Variants in GABRA1 observed in about 807,000 individuals in gnomAD.
The protein encoded by GABRA1 is gamma-aminobutyric acid type A receptor subunit alpha1, also known as gamma-aminobutyric acid receptor subunit alpha-1.
A neutral mutation model predicts 48.9 loss-of-function variants in GABRA1; 9 were observed. The ratio of observed to expected loss-of-function variants is 0.18; its 90% CI spans 0.11 to 0.32. GABRA1 has a LOEUF of 0.32. Ranked by LOEUF, GABRA1 falls within the 10% of genes least tolerant of loss-of-function variation. The pLI, the probability that GABRA1 is intolerant of heterozygous loss-of-function variation, is 1.00. For missense variants in GABRA1, 285 were observed against 553.8 expected (o/e 0.51, Z 4.87); for synonymous variants, 210 against 198.7 (o/e 1.06, Z -0.48).
At chr5:161,867,028 T>A (rs937672473) in intron 4 of GABRA1, among the ~76,000 whole-genome samples, 1 of 152,136 alleles carries the variant, frequency 6.6e-6, no homozygotes, top group African/African-American at 2.4e-5. Context: ...AAGGTGGGAT[T>A]AATAATGCCA....
Position 161,897,483 on chromosome 5 carries a change from C to A in GABRA1, c.*61C>A. On this transcript the variant is annotated 3_prime_UTR_variant, in exon 10 of 10. Transcript: ENST00000393943. ...ACTGGGAATTTATTTATGTTCTCAA[C>A]GCAGTAATTCCCATCTGCTTTATTG... The A allele has an allele frequency of 1.4e-6, 2 of 1,401,606 alleles. No homozygotes were observed. The highest frequency in any genetic ancestry group is 2.0e-6 in the Non-Finnish European group (2 of 990,962). The allele number at this position is 1,401,606 out of a possible 1,614,324, so 86.8% of individuals were successfully genotyped here. A position where few individuals can be genotyped will look rare whatever the true frequency, so the allele number is the denominator to read the frequency against.
chr5:161,878,558 T>A (rs187947219), intron 6 of GABRA1, among the ~76,000 whole-genome samples: 18 of 152,290 alleles, frequency 1.2e-4, no homozygotes, highest in Non-Finnish European at 2.5e-4. Flanking sequence ...AGCAACCTTA[T>A]CCATATGGTG....
intron 1 of GABRA1, chr5:161,849,011 T>C (rs1316062067): frequency 4.4e-6 from 2 of 455,180 alleles, no homozygotes; most frequent in Admixed American, 4.7e-5. Context: ...CTCAACTTAG[T>C]CTTTGATATG....
chr5:161,886,473 T>C (rs973765703), intron 7 of GABRA1, among the ~76,000 whole-genome samples: 1 of 151,988 alleles, frequency 6.6e-6, no homozygotes, highest in African/African-American at 2.4e-5. Flanking sequence ...GATATTACTA[T>C]TAATAATAAG....
chr5:161,854,024 C>A, intron 2 of GABRA1, 134 bp from the exon 3 acceptor site: 8 of 522,244 alleles, frequency 1.5e-5, no homozygotes, highest in South Asian at 6.4e-5. Context: ...TCCTTTTTAC[C>A]TTGTGAAAAA....
intron 1 of GABRA1, 46 bp from the exon 2 acceptor site, chr5:161,850,750 A>T (rs1008805895): frequency 6.6e-7 from 1 of 1,509,252 alleles, no homozygotes; most frequent in Admixed American, 1.7e-5. Flanking sequence ...TTATAACCTG[A>T]TGTTTCTTGC....
chr5:161,870,631 CAGAA>C (rs151163857), intron 4 of GABRA1, among the ~76,000 whole-genome samples: 37 of 147,786 alleles, frequency 2.5e-4, no homozygotes, highest in African/African-American at 5.7e-4. Flanking sequence ...GACAGACAGA[CAGAA>C]AGAAAGAAAG....
chr5:161,851,989 T>C (rs1486141905), intron 2 of GABRA1, among the ~76,000 whole-genome samples: 1 of 152,122 alleles, frequency 6.6e-6, no homozygotes, highest in Non-Finnish European at 1.5e-5. Context: ...AAATATATAT[T>C]CAGTTTAGGA....
At chr5:161,873,671 C>G (rs1754222672) in intron 5 of GABRA1, among the ~76,000 whole-genome samples, 1 of 151,978 alleles carries the variant, frequency 6.6e-6, no homozygotes, top group Non-Finnish European at 1.5e-5. Context: ...ATCTAATGAT[C>G]TACATCTGAA....
Position 161,865,705 on chromosome 5 carries a change from T to C in GABRA1, c.188-16T>C. The C allele has an allele frequency of 6.2e-7, 1 of 1,611,870 alleles. No homozygotes were observed. Among genetic ancestry groups the C allele is most frequent in the Non-Finnish European group, 8.5e-7 (1 of 1,178,172 alleles). On this transcript the variant is annotated splice_polypyrimidine_tract_variant and intron_variant, in intron 3 of 9. Transcript: ENST00000393943. ...GGTTGACAGACACTCACTCGCCCAA[T>C]TTCCTGCTTCAACAGAGCGTGTAAC...
At chr5:161,861,104 A>G (rs1757840950) in intron 3 of GABRA1, among the ~76,000 whole-genome samples, 1 of 151,782 alleles carries the variant, frequency 6.6e-6, no homozygotes, top group Non-Finnish European at 1.5e-5. Flanking sequence ...AAGTATTGGC[A>G]TATTTCTGTA....
intron 3 of GABRA1, among the ~76,000 whole-genome samples, chr5:161,857,426 C>A (rs895404984): frequency 1.3e-5 from 2 of 151,416 alleles, no homozygotes; most frequent in Admixed American, 6.6e-5. Context: ...TTATATGTAC[C>A]TTGGATTCAA....
intron 3 of GABRA1, among the ~76,000 whole-genome samples, chr5:161,861,964 A>G (rs575124504): frequency 1.4e-3 from 214 of 152,036 alleles, no homozygotes; most frequent in Middle Eastern, 6.8e-3. Context: ...GAACCCATGG[A>G]ACTGTTACTC....
At chr5:161,849,703 G>C (rs891230109) in intron 1 of GABRA1, among the ~76,000 whole-genome samples, 10 of 152,118 alleles carry the variant, frequency 6.6e-5, no homozygotes, top group Non-Finnish European at 1.5e-4. Flanking sequence ...ACCCTACAAA[G>C]AAATATAGAT....
intron 2 of GABRA1, among the ~76,000 whole-genome samples, chr5:161,852,862 A>T (rs1217639871): frequency 6.6e-6 from 1 of 151,878 alleles, no homozygotes; most frequent in Non-Finnish European, 1.5e-5. Flanking sequence ...ATTACCTGCA[A>T]AACAGTGTTT....
intron 8 of GABRA1, among the ~76,000 whole-genome samples, chr5:161,894,716 G>T (rs200668786): frequency 9.6e-6 from 1 of 104,650 alleles, no homozygotes; most frequent in African/African-American, 5.3e-5. Flanking sequence ...CTTTTGTACT[G>T]AGTATAGTGC....
chr5:161,871,165 C>T (rs1255591553), intron 4 of GABRA1, among the ~76,000 whole-genome samples: 1 of 152,018 alleles, frequency 6.6e-6, no homozygotes, highest in Non-Finnish European at 1.5e-5. Context: ...TACATCTTGT[C>T]AAAGATTTGG....
At position 161,850,787 on chromosome 5, in the gene GABRA1, A is replaced by G. The variant is rs770530140; in HGVS notation, c.-15-9A>G. 20 of 1,611,546 alleles carry G rather than the reference A, an allele frequency of 1.2e-5. No homozygotes were observed. The highest frequency in any genetic ancestry group is 1.7e-5 in the Non-Finnish European group (20 of 1,177,714). On this transcript the variant is annotated splice_polypyrimidine_tract_variant and intron_variant, in intron 1 of 9. Transcript: ENST00000393943. The stretch of plus-strand genomic sequence containing the variant: ...AGAGACATTGATCTCTACTTATTCT[A>G]CTTTTCAGCTGCTCCAGCCCGCGAT...
chr5:161,865,883 A>G, intron 4 of GABRA1, 95 bp downstream of exon 4: 1 of 970,378 alleles, frequency 1.0e-6, no homozygotes, highest in Non-Finnish European at 1.7e-6. Context: ...GAGCAACCTG[A>G]AAAGTCTTGG....
Sources: gnomAD v4.1 joint callset for allele counts (sites outside exome capture counted in the v4.1 genomes callset) on GRCh38, gnomAD v4.1.1 for gene constraint, MANE v1.5 for transcripts, NCBI Gene and HGNC (gene_info 2026-07-23, HGNC 2026-07-21) for gene names.